Variants in FRMD4A observed in about 807,000 individuals in gnomAD.
FRMD4A encodes the protein FERM domain containing 4A, also known as FERM domain-containing protein 4A.
FRMD4A carries 29 observed loss-of-function variants against 129.1 expected under a neutral mutation model. The ratio of observed to expected loss-of-function variants is 0.22; its 90% CI spans 0.17 to 0.31. The LOEUF is 0.31. Ranked by LOEUF, FRMD4A falls within the 10% of genes least tolerant of loss-of-function variation. The probability of loss-of-function intolerance (pLI) is 1.00; values close to 1 mark genes in which losing one functional copy is unlikely to be tolerated. For missense variants in FRMD4A, 1,272 were observed against 1,375.8 expected (o/e 0.92, Z 1.19); for synonymous variants, 634 against 571.6 (o/e 1.11, Z -1.56).
intron 2 of FRMD4A, among the ~76,000 whole-genome samples, chr10:13,863,005 C>T (rs1231835641): frequency 2.0e-5 from 3 of 151,488 alleles, no homozygotes; most frequent in South Asian, 4.2e-4. Context: ...CCTGGCATCA[C>T]CCTCAAAGGA....
chr10:14,113,295 C>T lies in FRMD4A; in HGVS notation c.45+216763G>A, dbSNP rs538404157. ...TCTGAGACAGCAAAACCAACCTCTC[C>T]TCTTCCTCCTCAGCCCACCCAACGT... On this transcript the variant is annotated intron_variant, in intron 2 of 24. Coordinates refer to ENST00000357447, the MANE Select transcript of FRMD4A (RefSeq NM_018027.5). 9.2e-5 allele frequency among the ~76,000 whole-genome samples: 14 copies of T among 152,312 alleles called. No individual in the cohort carries two copies. The East Asian group carries it at 2.3e-3, about 25-fold the overall frequency.
At chr10:14,034,664 C>A (rs1229360016) in intron 2 of FRMD4A, among the ~76,000 whole-genome samples, 2 of 152,160 alleles carry the variant, frequency 1.3e-5, no homozygotes, top group Non-Finnish European at 2.9e-5. Context: ...AATAAATAAC[C>A]TGAGCTCCTT....
At chr10:14,327,446 A>G (rs1263038820) in intron 2 of FRMD4A, among the ~76,000 whole-genome samples, 1 of 152,226 alleles carries the variant, frequency 6.6e-6, no homozygotes, top group Non-Finnish European at 1.5e-5. Context: ...AAGGGAACCT[A>G]GACATCAGAG....
intron 2 of FRMD4A, among the ~76,000 whole-genome samples, chr10:14,158,110 T>C (rs76735861): frequency 0.023 from 3,533 of 152,200 alleles, 64 homozygotes; most frequent in Non-Finnish European, 0.036. Flanking sequence ...ATAAAGAGCC[T>C]TGAATGTCAT....
chr10:13,672,758 G>A (rs187200580), intron 16 of FRMD4A, among the ~76,000 whole-genome samples: 11 of 152,104 alleles, frequency 7.2e-5, no homozygotes, highest in Admixed American at 2.6e-4. Context: ...CAAGCAGCGC[G>A]TCTTGATACT....
At chr10:13,880,077 G>A (rs1465464027) in intron 2 of FRMD4A, among the ~76,000 whole-genome samples, 1 of 152,048 alleles carries the variant, frequency 6.6e-6, no homozygotes, top group Non-Finnish European at 1.5e-5. Flanking sequence ...ACATGGGTGA[G>A]CTTCAACTCT....
intron 2 of FRMD4A, among the ~76,000 whole-genome samples, chr10:14,233,877 G>T (rs934348103): frequency 6.6e-6 from 1 of 152,218 alleles, no homozygotes; most frequent in Non-Finnish European, 1.5e-5. Context: ...CATGTAAAAG[G>T]CTAGAGAGAT....
At chr10:13,762,776 T>C (rs2092125802) in intron 6 of FRMD4A, 96 bp from the exon 7 acceptor site, 1 of 773,060 alleles carries the variant, frequency 1.3e-6, no homozygotes. Context: ...GGAGGATTAC[T>C]TGAGCCCTGG....
intron 21 of FRMD4A, among the ~76,000 whole-genome samples, chr10:13,658,156 A>G (rs200172299): frequency 0.039 from 5,778 of 148,372 alleles, 343 homozygotes; most frequent in African/African-American, 0.12. Flanking sequence ...AAAAAAAAAA[A>G]AGAAAACACA....
intron 2 of FRMD4A, among the ~76,000 whole-genome samples, chr10:14,215,580 G>A (rs2131962765): frequency 6.6e-6 from 1 of 152,168 alleles, no homozygotes; most frequent in Middle Eastern, 3.4e-3. Flanking sequence ...AGGAAGTGGG[G>A]GGAAAAGCAA....
At chr10:14,022,987 T>C (rs928348519) in intron 2 of FRMD4A, among the ~76,000 whole-genome samples, 1 of 152,106 alleles carries the variant, frequency 6.6e-6, no homozygotes, top group East Asian at 1.9e-4. Context: ...ATGCCACAGA[T>C]CACCCCCAAG....
At chr10:14,262,647 G>C (rs1414178936) in intron 2 of FRMD4A, among the ~76,000 whole-genome samples, 1 of 152,150 alleles carries the variant, frequency 6.6e-6, no homozygotes, top group Non-Finnish European at 1.5e-5. Context: ...AGGCTCCTGG[G>C]TGGTGAGGAG....
chr10:13,650,732 G>GT (rs1238655290), intron 24 of FRMD4A, among the ~76,000 whole-genome samples: 4 of 152,062 alleles, frequency 2.6e-5, no homozygotes, highest in African/African-American at 4.8e-5. Context: ...CAAAAGTCCA[G>GT]TTTTTTCTCT....
chr10:13,853,147 T>C (rs570432134), intron 3 of FRMD4A, among the ~76,000 whole-genome samples: 51 of 152,248 alleles, frequency 3.3e-4, no homozygotes, highest in African/African-American at 1.1e-3. Flanking sequence ...ACTCACATCA[T>C]GCGGCAGCTC....
chr10:14,220,783 C>CGTGT (rs71388166), intron 2 of FRMD4A, among the ~76,000 whole-genome samples: 1 of 141,654 alleles, frequency 7.1e-6, no homozygotes, highest in Admixed American at 7.1e-5. Context: ...GGCTGAGTTG[C>CGTGT]GTGTGTGTGT....
rs1271023978 is a variant in FRMD4A at position 13,841,929 on chromosome 10, C to A, written c.111+16918G>T. Among the ~76,000 whole-genome samples the A allele has an allele frequency of 2.0e-5, 3 of 152,282 alleles. No homozygotes were observed. The East Asian group carries it at 5.8e-4, about 29-fold the overall frequency. ...GAGAGCTATCTTGTTGGGGACTCTG[C>A]TCTTAAACCTGTGAAATCTGCATTA... On this transcript the variant is annotated intron_variant, in intron 3 of 24. Transcript: ENST00000357447.
rs529513476 is a variant in FRMD4A at position 14,192,069 on chromosome 10, A to T, written c.45+137989T>A. ...GAGTTGCTAATAATCAACAATTCTG[A>T]GCCCCAGCCAAAGGTGCACAGCTAC... On this transcript the variant is annotated intron_variant, in intron 2 of 24. Transcript: ENST00000357447. Among the ~76,000 whole-genome samples, 9 of 152,328 alleles carry T rather than the reference A, an allele frequency of 5.9e-5. No individual in the cohort carries two copies. The South Asian group carries it at 1.9e-3, about 32-fold the overall frequency.
At chr10:13,850,153 A>G (rs1304840684) in intron 3 of FRMD4A, among the ~76,000 whole-genome samples, 4 of 152,070 alleles carry the variant, frequency 2.6e-5, no homozygotes, top group African/African-American at 9.7e-5. Context: ...ATAAGCCAGT[A>G]AGCCGAGATT....
At chr10:13,783,407 T>C (rs942751528) in intron 5 of FRMD4A, among the ~76,000 whole-genome samples, 1 of 152,170 alleles carries the variant, frequency 6.6e-6, no homozygotes, top group Non-Finnish European at 1.5e-5. Context: ...TTTCTTTTTT[T>C]AGACAGGGTC....
Sources: gnomAD v4.1 joint callset for allele counts (sites outside exome capture counted in the v4.1 genomes callset) on GRCh38, gnomAD v4.1.1 for gene constraint, MANE v1.5 for transcripts, NCBI Gene and HGNC (gene_info 2026-07-23, HGNC 2026-07-21) for gene names.